VRK2: variants seen among roughly 807,000 people sequenced by gnomAD.
VRK2 encodes serine/threonine-protein kinase VRK2.
Under a neutral mutation model 57.6 loss-of-function variants are expected in VRK2, and 60 were observed. The ratio of observed to expected loss-of-function variants is 1.04; its 90% CI spans 0.85 to 1.29. VRK2 has a LOEUF of 1.29. Ranked by LOEUF, VRK2 falls within the 50% of genes most tolerant of loss-of-function variation. The pLI, the probability that VRK2 is intolerant of heterozygous loss-of-function variation, is 0.00. For missense variants in VRK2, 705 were observed against 588.1 expected (o/e 1.20, Z -2.06); for synonymous variants, 231 against 199.2 (o/e 1.16, Z -1.35).
chr2:58,029,467 T>C (rs1323925859), intron 2 of VRK2, among the ~76,000 whole-genome samples: 1 of 152,148 alleles, frequency 6.6e-6, no homozygotes, highest in Non-Finnish European at 1.5e-5. Flanking sequence ...GTTTGACTTT[T>C]ACAAAAGAAA....
rs60604486 is a variant in VRK2, at chr2:58,013,858, CAAAAAA to C, written c.-438-11788_-438-11783del. On this transcript the variant is annotated intron_variant, in intron 1 of 15. Coordinates refer to the VRK2 transcript ENST00000417641. ...TGGGCGACAGAACGAGACTCCGTCT[CAAAAAA>C]AAAAAAAAAAAAAAAAAAGATACAG... is the stretch of plus-strand genomic sequence containing the variant. Among the ~76,000 whole-genome samples the C allele has an allele frequency of 1.6e-3, 103 of 62,804 alleles. 1 individual carries two copies. The highest frequency in any genetic ancestry group is 5.0e-3 in the African/African-American group (92 of 18,372). The allele number at this position is 62,804 out of a possible 152,430, so 41.2% of individuals were successfully genotyped here.
At chr2:58,015,988 G>A (rs979255574) in intron 1 of VRK2, among the ~76,000 whole-genome samples, 5 of 151,792 alleles carry the variant, frequency 3.3e-5, no homozygotes, top group Admixed American at 1.3e-4. Flanking sequence ...ATTCACTCAG[G>A]TAAATTTCTT....
intron 1 of VRK2, among the ~76,000 whole-genome samples, chr2:57,941,863 G>C (rs1671105165): frequency 6.6e-6 from 1 of 152,180 alleles, no homozygotes; most frequent in Non-Finnish European, 1.5e-5. Context: ...TGAATTATAA[G>C]AAACCTGTTT....
At chr2:58,022,578 A>G (rs1439196672) in intron 1 of VRK2, among the ~76,000 whole-genome samples, 1 of 152,220 alleles carries the variant, frequency 6.6e-6, no homozygotes, top group Non-Finnish European at 1.5e-5. Flanking sequence ...ATGAGAGGTA[A>G]GAAATTCATA....
At chr2:57,911,972 C>T (rs1373058544) in intron 1 of VRK2, among the ~76,000 whole-genome samples, 2 of 152,096 alleles carry the variant, frequency 1.3e-5, no homozygotes, top group African/African-American at 4.8e-5. Context: ...ACATAATAGG[C>T]CTTTAGTAAA....
chr2:57,993,233 C>T (rs760974578), intron 1 of VRK2, among the ~76,000 whole-genome samples: 9 of 152,182 alleles, frequency 5.9e-5, no homozygotes, highest in South Asian at 2.1e-4. Flanking sequence ...CAACTTACTT[C>T]CACTTTAAGA....
intron 1 of VRK2, 42 bp from the exon 2 acceptor site, chr2:58,048,785 G>C (rs1675265179): frequency 1.3e-6 from 2 of 1,594,650 alleles, no homozygotes; most frequent in African/African-American, 2.7e-5. Context: ...TTGTTTGTTT[G>C]TTTTTCTTTT....
At chr2:58,099,018 A>G (rs574014276) in intron 7 of VRK2, among the ~76,000 whole-genome samples, 2 of 152,110 alleles carry the variant, frequency 1.3e-5, no homozygotes, top group African/African-American at 2.4e-5. Flanking sequence ...GTGTTGCACA[A>G]TCGATAACTA....
intron 11 of VRK2, among the ~76,000 whole-genome samples, chr2:58,142,768 C>T (rs1355659212): frequency 2.6e-5 from 4 of 151,858 alleles, no homozygotes; most frequent in Admixed American, 6.6e-5. Context: ...GGCCCCATTA[C>T]GACCCTTGAA....
chr2:58,090,787 G>A lies in VRK2; in HGVS notation c.543+1064G>A, dbSNP rs369146291. On this transcript the variant is annotated intron_variant, in intron 7 of 12. Transcript: ENST00000340157. ...GCTTGTAGTCGGTTTATTCATACTC[G>A]TCAAAACATTGAAGTAACCAAGATG... is the stretch of plus-strand genomic sequence containing the variant. Among the ~76,000 whole-genome samples the A allele has an allele frequency of 3.3e-3, 498 of 152,196 alleles. 5 individuals are homozygous for A. Among genetic ancestry groups the A allele is most frequent in the African/African-American group, 0.01 (428 of 41,528 alleles).
intron 12 of VRK2, among the ~76,000 whole-genome samples, chr2:58,147,356 A>T (rs546114444): frequency 2.2e-4 from 33 of 152,088 alleles, no homozygotes; most frequent in African/African-American, 7.5e-4. Context: ...AGTATAAAAT[A>T]GTGGCATTAT....
intron 10 of VRK2, among the ~76,000 whole-genome samples, 167 bp downstream of exon 10, chr2:58,135,366 A>G (rs1679864492): frequency 6.6e-6 from 1 of 152,020 alleles, no homozygotes; most frequent in Non-Finnish European, 1.5e-5. Flanking sequence ...CAATGTTTAA[A>G]TCATCTTTAA....
At chr2:58,075,828 T>G (rs1670024412) in intron 2 of VRK2, among the ~76,000 whole-genome samples, 1 of 131,572 alleles carries the variant, frequency 7.6e-6, no homozygotes, top group African/African-American at 2.7e-5. Flanking sequence ...GAGATTTTTC[T>G]GATATTCACT....
chr2:58,139,541 A>G (rs1436698718), intron 10 of VRK2, 125 bp from the exon 11 acceptor site: 1 of 783,766 alleles, frequency 1.3e-6, no homozygotes, highest in Non-Finnish European at 2.0e-6. Context: ...TGAATTGTTC[A>G]TTTTTAGTTT....
intron 12 of VRK2, among the ~76,000 whole-genome samples, chr2:58,158,192 A>G (rs182831080): frequency 1.4e-3 from 220 of 152,306 alleles, no homozygotes; most frequent in Non-Finnish European, 2.2e-3. Context: ...TAGCATAATT[A>G]TTATTTGTAT....
chr2:58,047,766 T>C (rs1675075142), intron 1 of VRK2, among the ~76,000 whole-genome samples: 1 of 152,096 alleles, frequency 6.6e-6, no homozygotes, highest in African/African-American at 2.4e-5. Flanking sequence ...AAGGTGAATA[T>C]TGTTAAAGAT....
At chr2:58,150,429 A>G (rs779447424) in intron 12 of VRK2, among the ~76,000 whole-genome samples, 3 of 151,090 alleles carry the variant, frequency 2.0e-5, no homozygotes, top group Admixed American at 2.0e-4. Context: ...ATCATCACCA[A>G]TATCTATATT....
intron 1 of VRK2, among the ~76,000 whole-genome samples, chr2:58,019,101 T>A: frequency 6.6e-6 from 1 of 152,166 alleles, no homozygotes; most frequent in African/African-American, 2.4e-5. Context: ...AAGGACTAGG[T>A]CTTCCTCAAA....
intron 7 of VRK2, among the ~76,000 whole-genome samples, chr2:58,115,229 G>T (rs1350354021): frequency 2.6e-5 from 4 of 151,966 alleles, no homozygotes; most frequent in African/African-American, 9.7e-5. Context: ...TGGGGAAATG[G>T]GGTGAATATC....
Sources: gnomAD v4.1 joint callset for allele counts (sites outside exome capture counted in the v4.1 genomes callset) on GRCh38, gnomAD v4.1.1 for gene constraint, MANE v1.5 for transcripts, NCBI Gene and HGNC (gene_info 2026-07-23, HGNC 2026-07-21) for gene names.